EXOC6B: variants seen among roughly 807,000 people sequenced by gnomAD.
The protein encoded by EXOC6B is SEC15 homolog B.
In EXOC6B, 54 loss-of-function variants were observed where a neutral mutation model predicts 113.5. That is an observed-to-expected ratio of 0.48 (90% CI 0.38 to 0.60). The LOEUF is 0.60. Among genes scored for constraint, EXOC6B ranks in the 20% least tolerant of loss-of-function variants. EXOC6B has a pLI of 0.00. For missense variants in EXOC6B, 797 were observed against 977.5 expected (o/e 0.82, Z 2.46); for synonymous variants, 357 against 339.0 (o/e 1.05, Z -0.58).
At chr2:72,632,825 G>A (rs1672562765) in intron 6 of EXOC6B, among the ~76,000 whole-genome samples, 2 of 152,082 alleles carry the variant, frequency 1.3e-5, no homozygotes, top group Admixed American at 1.3e-4. Context: ...GGGACTACAG[G>A]TTTGTGTCAC....
chr2:72,230,734 C>G (rs1460153100), intron 20 of EXOC6B, among the ~76,000 whole-genome samples: 1 of 152,172 alleles, frequency 6.6e-6, no homozygotes, highest in East Asian at 1.9e-4. Context: ...TAGATATAGA[C>G]TCTCAGTGCT....
At chr2:72,250,635 C>T (rs1010197951) in intron 20 of EXOC6B, among the ~76,000 whole-genome samples, 22 of 151,832 alleles carry the variant, frequency 1.4e-4, no homozygotes, top group African/African-American at 4.8e-4. Flanking sequence ...TATGTCACTG[C>T]ACCTAGCCAG....
chr2:72,711,684 C>G (rs574856109), intron 6 of EXOC6B, among the ~76,000 whole-genome samples: 1 of 152,212 alleles, frequency 6.6e-6, no homozygotes, highest in South Asian at 2.1e-4. Context: ...AGTATCATTA[C>G]TCTTGCACTT....
intron 1 of EXOC6B, among the ~76,000 whole-genome samples, chr2:72,815,617 TA>T (rs1559025383): frequency 6.6e-6 from 1 of 151,462 alleles, no homozygotes; most frequent in African/African-American, 2.4e-5. Context: ...AAAATAAAAA[TA>T]AAAACTACAC....
intron 20 of EXOC6B, among the ~76,000 whole-genome samples, chr2:72,283,189 T>C (rs1056753500): frequency 6.6e-6 from 1 of 152,146 alleles, no homozygotes; most frequent in Non-Finnish European, 1.5e-5. Context: ...CGACTAGGAA[T>C]AATTCCACTA....
chr2:72,731,351 T>C (rs1680635246), intron 3 of EXOC6B, 106 bp from the exon 4 acceptor site: 1 of 852,788 alleles, frequency 1.2e-6, no homozygotes, highest in Non-Finnish European at 1.9e-6. Flanking sequence ...TCCCAGACAG[T>C]TTCATAGTAA....
rs1693764910 is a variant in EXOC6B, at chr2:72,406,367, C to T, written c.1981-26497G>A. On this transcript the variant is annotated intron_variant, in intron 18 of 21. Coordinates refer to ENST00000272427, the MANE Select transcript of EXOC6B (RefSeq NM_015189.3). Reference sequence around the variant, plus strand: ...ACCAAGCAGACCTAATAGACATCTACAGAACTCTCCACCCCAAATCAACAG... The same window carrying T: ...ACCAAGCAGACCTAATAGACATCTATAGAACTCTCCACCCCAAATCAACAG... 5.3e-5 allele frequency among the ~76,000 whole-genome samples: 8 copies of T among 152,232 alleles called. No individual in the cohort carries two copies. In the South Asian group the frequency reaches 1.7e-3, roughly 32 times the overall value.
intron 18 of EXOC6B, among the ~76,000 whole-genome samples, chr2:72,397,568 C>T (rs1289299300): frequency 1.3e-5 from 2 of 148,654 alleles, no homozygotes; most frequent in Non-Finnish European, 3.0e-5. Flanking sequence ...TGCAGTAAGC[C>T]GAGATCACGC....
At chr2:72,677,048 T>C (rs1327058302) in intron 6 of EXOC6B, among the ~76,000 whole-genome samples, 1 of 152,208 alleles carries the variant, frequency 6.6e-6, no homozygotes, top group Non-Finnish European at 1.5e-5. Context: ...ATGACTATCA[T>C]TCTCATCATA....
intron 21 of EXOC6B, chr2:72,182,856 A>G (rs1240355852): frequency 1.6e-6 from 2 of 1,223,994 alleles, no homozygotes; most frequent in Non-Finnish European, 2.0e-6. Flanking sequence ...GACTTGCCTC[A>G]AAGTGATGGA....
At chr2:72,298,198 A>G (rs1305731645) in intron 20 of EXOC6B, among the ~76,000 whole-genome samples, 2 of 152,250 alleles carry the variant, frequency 1.3e-5, no homozygotes, top group African/African-American at 4.8e-5. Context: ...TATATTTAGG[A>G]TAGTTAGCTC....
chr2:72,810,340 T>G (rs1489208222), intron 1 of EXOC6B, among the ~76,000 whole-genome samples: 2 of 14,250 alleles, frequency 1.4e-4, no homozygotes, highest in East Asian at 0.012. Flanking sequence ...GTCTCTAAAA[T>G]AAATAAATAA....
chr2:72,732,263 C>G (rs913754233), intron 3 of EXOC6B, among the ~76,000 whole-genome samples: 1 of 152,034 alleles, frequency 6.6e-6, no homozygotes, highest in Admixed American at 6.6e-5. Flanking sequence ...ATCCTCCCAC[C>G]TCAGTCTCCC....
At chr2:72,724,029 T>A (rs912311468) in intron 5 of EXOC6B, among the ~76,000 whole-genome samples, 5 of 152,118 alleles carry the variant, frequency 3.3e-5, no homozygotes, top group African/African-American at 1.2e-4. Context: ...GAATCAGTGA[T>A]AGTAGCTCAG....
chr2:72,182,940 G>A (rs1295347346), intron 21 of EXOC6B: 2 of 1,224,990 alleles, frequency 1.6e-6, no homozygotes, highest in Non-Finnish European at 2.0e-6. Flanking sequence ...GAGAACCATG[G>A]GAAACAAAGT....
Position 72,465,294 on chromosome 2 carries a change from G to C in EXOC6B, c.1846C>G (p.Gln616Glu). 6.2e-7 allele frequency: 1 copy of C among 1,606,418 alleles called. No homozygotes were observed. The highest frequency in any genetic ancestry group is 8.5e-7 in the Non-Finnish European group (1 of 1,176,122). ...AEEEIYTNLN[Q>E]KIDQFLQLAD... ...AGCTGTAGGAACTGGTCAATCTTCT[G>C]GTTTAAGTTGGTATAAATCTCTTCT... is the stretch of plus-strand genomic sequence containing the variant. Residue 616 changes from glutamine (Q) to glutamate (E), a missense_variant, in exon 18 of 22, where the codon CAG becomes GAG. By Grantham distance (29) the Gln-to-Glu change is conservative. Transcript: ENST00000272427.
chr2:72,221,357 C>T (rs1430262289), intron 20 of EXOC6B, among the ~76,000 whole-genome samples: 1 of 152,134 alleles, frequency 6.6e-6, no homozygotes, highest in Non-Finnish European at 1.5e-5. Flanking sequence ...AACCATGGCT[C>T]TCCCACTGCC....
chr2:72,206,487 T>A (rs1400198436), intron 20 of EXOC6B, among the ~76,000 whole-genome samples: 2 of 152,358 alleles, frequency 1.3e-5, no homozygotes, highest in East Asian at 1.9e-4. Context: ...CTATTGTTCA[T>A]GGTGCACAGG....
intron 18 of EXOC6B, among the ~76,000 whole-genome samples, chr2:72,438,018 C>A (rs1174133441): frequency 6.6e-6 from 1 of 152,026 alleles, no homozygotes; most frequent in African/African-American, 2.4e-5. Flanking sequence ...ATTTTTATAA[C>A]CTCACCATGT....
Sources: gnomAD v4.1 joint callset for allele counts (sites outside exome capture counted in the v4.1 genomes callset) on GRCh38, gnomAD v4.1.1 for gene constraint, MANE v1.5 for transcripts, NCBI Gene and HGNC (gene_info 2026-07-23, HGNC 2026-07-21) for gene names.